Variants in PAPPA observed in about 807,000 individuals in gnomAD.
The protein encoded by PAPPA is pappalysin-1.
In PAPPA, 60 loss-of-function variants were observed where a neutral mutation model predicts 164.0. That is an observed-to-expected ratio of 0.37 (90% CI 0.30 to 0.45). PAPPA has a LOEUF of 0.45. Among genes scored for constraint, PAPPA ranks in the 20% least tolerant of loss-of-function variants. The pLI is 1.00. For synonymous variants in PAPPA, 875 were observed against 814.1 expected, an observed-to-expected ratio of 1.07 and a Z score of -1.27; for missense variants, 1,782 against 2,087.3, an observed-to-expected ratio of 0.85 and a Z score of 2.85.
chr9:116,176,912 CAACAG>C (rs1396078279), intron 1 of PAPPA, among the ~76,000 whole-genome samples: 2 of 151,814 alleles, frequency 1.3e-5, no homozygotes, highest in Non-Finnish European at 2.9e-5. Context: ...TTTACTTCTC[CAACAG>C]TATTAATGGC....
At chr9:116,180,773 C>G (rs528932229) in intron 1 of PAPPA, among the ~76,000 whole-genome samples, 2 of 152,222 alleles carry the variant, frequency 1.3e-5, no homozygotes, top group South Asian at 4.2e-4. Context: ...ACATCCTAGG[C>G]AAGACCACAG....
At chr9:116,390,749 G>A (rs540808015) in intron 21 of PAPPA, among the ~76,000 whole-genome samples, 30 of 152,134 alleles carry the variant, frequency 2.0e-4, no homozygotes, top group African/African-American at 6.7e-4. Flanking sequence ...GATGAAGTAG[G>A]CACTCATTTT....
intron 2 of PAPPA, among the ~76,000 whole-genome samples, chr9:116,199,139 G>A (rs554026002): frequency 3.3e-5 from 5 of 152,230 alleles, no homozygotes; most frequent in Admixed American, 1.3e-4. Context: ...ACCAGCACCT[G>A]GTTTCCTCTG....
chr9:116,184,414 C>A (rs1022891151), intron 1 of PAPPA, among the ~76,000 whole-genome samples: 26 of 152,028 alleles, frequency 1.7e-4, no homozygotes, highest in Admixed American at 6.6e-5. Context: ...CTTGATATGT[C>A]GTGCAAGATG....
chr9:116,346,430 AT>A (rs1846210603), intron 14 of PAPPA, among the ~76,000 whole-genome samples: 1 of 151,956 alleles, frequency 6.6e-6, no homozygotes, highest in African/African-American at 2.4e-5. Flanking sequence ...CAATCCATCC[AT>A]TTTGCCAAAG....
Position 116,211,736 on chromosome 9 carries a change from C to T in PAPPA, c.1722C>T (p.Phe574=). Residue 574 remains phenylalanine, a synonymous_variant, in exon 4 of 22, where the codon TTC becomes TTT. Transcript: ENST00000328252. ...IGHSLGLYHV[F]RGISEIQSCS... Reference sequence around the variant, plus strand: ...ACAGCCTGGGCCTCTATCACGTCTTCCGAGGCATCTCAGAAATCCAGTCCT... The same window carrying T: ...ACAGCCTGGGCCTCTATCACGTCTTTCGAGGCATCTCAGAAATCCAGTCCT... 1 of 1,614,126 alleles carries T rather than the reference C, an allele frequency of 6.2e-7. No homozygotes were observed. Among genetic ancestry groups the T allele is most frequent in the Non-Finnish European group, 8.5e-7 (1 of 1,180,002 alleles).
At chr9:116,295,967 G>A (rs1845501013) in intron 9 of PAPPA, among the ~76,000 whole-genome samples, 1 of 152,212 alleles carries the variant, frequency 6.6e-6, no homozygotes, top group Admixed American at 6.5e-5. Context: ...CTACTGATTA[G>A]AAGATATTTT....
Position 116,240,824 on chromosome 9 carries a change from A to G in PAPPA, c.2732+5187A>G, listed in dbSNP as rs527925658. Among the ~76,000 whole-genome samples the G allele has an allele frequency of 1.1e-3, 166 of 152,312 alleles. 4 individuals carry two copies. The South Asian group carries it at 0.032, about 29-fold the overall frequency. On this transcript the variant is annotated intron_variant, in intron 7 of 21. Transcript: ENST00000328252. ...TCTTGATCATTCATTCTCTGATTGA[A>G]CAAGTATGTTTGTTTATGCCTCTGT...
chr9:116,297,118 G>A (rs1845519278), intron 9 of PAPPA, among the ~76,000 whole-genome samples: 1 of 152,114 alleles, frequency 6.6e-6, no homozygotes, highest in Admixed American at 6.5e-5. Flanking sequence ...ACCTCCCAAA[G>A]TGCTGGGATT....
rs1005151496 is a variant in PAPPA at position 116,188,008 on chromosome 9, T to C, written c.1270T>C (p.Cys424Arg). ...CATCAGCAAGATTGGGGATGAGAACTGTGACCCCGAGTGCAACCACACGCT... is the reference window on the plus strand; with the variant it reads ...CATCAGCAAGATTGGGGATGAGAACCGTGACCCCGAGTGCAACCACACGCT... Reference protein sequence around the residue: ...CDISKIGDENCDPECNHTLTG... With the variant: ...CDISKIGDENRDPECNHTLTG... Residue 424 changes from cysteine (C) to arginine (R), a missense_variant, in exon 2 of 22, where the codon TGT becomes CGT. Around this residue, in one of 2 missense-constraint regions of PAPPA, gnomAD observed 1,324 missense variants for 1,656.9 expected, o/e 0.80. Coordinates refer to ENST00000328252, the MANE Select transcript of PAPPA (RefSeq NM_002581.5). 6.2e-7 allele frequency: 1 copy of C among 1,614,032 alleles called. No individual in the cohort carries two copies. The highest frequency in any genetic ancestry group is 8.5e-7 in the Non-Finnish European group (1 of 1,180,016).
intron 21 of PAPPA, among the ~76,000 whole-genome samples, chr9:116,389,598 T>C (rs1412901598): frequency 3.3e-5 from 5 of 152,132 alleles, no homozygotes; most frequent in Admixed American, 3.3e-4. Context: ...TTGCTATCCT[T>C]AGTTCAGCTC....
At chr9:116,199,091 T>C (rs1156559437) in intron 2 of PAPPA, among the ~76,000 whole-genome samples, 2 of 152,128 alleles carry the variant, frequency 1.3e-5, no homozygotes, top group Non-Finnish European at 2.9e-5. Context: ...ATCCCAAAAG[T>C]CTAAGAACCT....
chr9:116,271,182 G>C lies in PAPPA; in HGVS notation c.2862-143G>C, dbSNP rs1376839181. ...TACCTTTTAGAAATCTCATTTTGAA[G>C]ATGAAGAAGCAGAGACTCAGACAGA... On this transcript the variant is annotated intron_variant, in intron 8 of 21. Coordinates refer to ENST00000328252, the MANE Select transcript of PAPPA (RefSeq NM_002581.5). The surrounding 1 kb of genome is among the most constrained non-coding windows in gnomAD (Gnocchi z 4.2). The C allele has an allele frequency of 3.2e-6, 2 of 628,140 alleles. No individual in the cohort carries two copies. Among genetic ancestry groups the C allele is most frequent in the Non-Finnish European group, 5.7e-6 (2 of 349,930 alleles). The allele number at this position is 628,140 out of a possible 1,614,324, so 38.9% of individuals were successfully genotyped here.
rs538479947 is a variant in PAPPA at position 116,362,805 on chromosome 9, C to T, written c.4495+66C>T. Reference sequence around the variant, plus strand: ...CCTTCCAGCAATGCAGGGCTAATGCCTGGGTGGGTCATTGAACACCCTGGC... The same window carrying T: ...CCTTCCAGCAATGCAGGGCTAATGCTTGGGTGGGTCATTGAACACCCTGGC... On this transcript the variant is annotated intron_variant, in intron 18 of 21. Coordinates refer to ENST00000328252, the MANE Select transcript of PAPPA (RefSeq NM_002581.5). 9 of 1,510,592 alleles carry T rather than the reference C, an allele frequency of 6.0e-6. No homozygotes were observed. The African/African-American group carries it at 1.2e-4, about 21-fold the overall frequency. 93.6% of individuals were successfully genotyped at this position (1,510,592 alleles called of 1,614,324 possible).
chr9:116,333,603 T>C (rs577121237), intron 12 of PAPPA, among the ~76,000 whole-genome samples: 1 of 152,348 alleles, frequency 6.6e-6, no homozygotes, highest in South Asian at 2.1e-4. Context: ...TTTTCTTGTT[T>C]TGTTTTTATG....
chr9:116,220,136 G>A lies in PAPPA; in HGVS notation c.2111+7G>A, dbSNP rs1477318966. 6.2e-7 allele frequency: 1 copy of A among 1,607,850 alleles called. No individual in the cohort carries two copies. Among genetic ancestry groups the A allele is most frequent in the Non-Finnish European group, 8.5e-7 (1 of 1,176,178 alleles). On this transcript the variant is annotated splice_region_variant and intron_variant, in intron 5 of 21. Coordinates refer to ENST00000328252, the MANE Select transcript of PAPPA (RefSeq NM_002581.5). ...ATGGCCATTTCTTTGAAAGGTGAGT[G>A]TGCCCTGTGTAGTGTTGATCCCTCT...
intron 4 of PAPPA, among the ~76,000 whole-genome samples, chr9:116,213,241 G>A (rs952665434): frequency 6.6e-6 from 1 of 152,168 alleles, no homozygotes; most frequent in African/African-American, 2.4e-5. Context: ...TTTGAAGAGA[G>A]GAATTTGCTG....
Position 116,277,860 on chromosome 9 carries a change from G to A in PAPPA, c.2953+6444G>A, listed in dbSNP as rs986277252. Reference sequence around the variant, plus strand: ...CCCAGCTACTTTTTGTAGAGACAGAGTTTCACCATGTCGGACAGGCTAGTC... The same window carrying A: ...CCCAGCTACTTTTTGTAGAGACAGAATTTCACCATGTCGGACAGGCTAGTC... On this transcript the variant is annotated intron_variant, in intron 9 of 21. Transcript: ENST00000328252. 3.3e-5 allele frequency among the ~76,000 whole-genome samples: 5 copies of A among 152,012 alleles called. No individual in the cohort carries two copies. The East Asian group carries it at 9.7e-4, about 29-fold the overall frequency.
intron 6 of PAPPA, among the ~76,000 whole-genome samples, chr9:116,233,465 C>T (rs574859029): frequency 6.6e-6 from 1 of 152,302 alleles, no homozygotes; most frequent in Non-Finnish European, 1.5e-5. Flanking sequence ...TTGTGTTTTA[C>T]ACCCTAAACT....
Sources: gnomAD v4.1 joint callset for allele counts (sites outside exome capture counted in the v4.1 genomes callset) on GRCh38, gnomAD v4.1.1 for gene constraint, gnomAD v4.1.1 regional missense constraint, Gnocchi (gnomAD v3.1) non-coding constraint, MANE v1.5 for transcripts, NCBI Gene and HGNC (gene_info 2026-07-23, HGNC 2026-07-21) for gene names.